MAGEB17: variants seen among roughly 807,000 people sequenced by gnomAD.
MAGEB17 encodes melanoma-associated antigen B17.
For missense variants in MAGEB17, 251 were observed against 281.4 expected, an observed-to-expected ratio of 0.89 and a Z score of 0.77; for synonymous variants, 110 against 112.4, an observed-to-expected ratio of 0.98 and a Z score of 0.13.
rs769989684 is a variant in MAGEB17, at chrX:16,170,742, C to T, written c.360C>T (p.Leu120=). The change falls in exon 2 of 2, where the codon CTC becomes CTT. Residue 120 remains leucine, a synonymous_variant. Transcript: ENST00000400004. ...AGACGGGCGAATTGGTGCAGTTCCT[C>T]CTCAACAAGTATATAAGGAAAGAGC... ...NTKTGELVQF[L]LNKYIRKEPI... The T allele has an allele frequency of 3.0e-4, 344 of 1,165,811 alleles. No individual in the cohort carries two copies. Among genetic ancestry groups the T allele is most frequent in the Non-Finnish European group, 3.8e-4 (333 of 872,858 alleles).
At chrX:16,169,998 G>A (rs1032627787) in intron 1 of MAGEB17, among the ~76,000 whole-genome samples, 6 of 111,353 alleles carry the variant, frequency 5.4e-5, no homozygotes, top group Non-Finnish European at 7.6e-5. Context: ...CCTGAGGAGC[G>A]TGGAGCCACC....
In MAGEB17 at chrX:16,170,838, G is replaced by A; in HGVS notation, c.456G>A (p.Arg152=). ...KYKQHFPEIL[R]RSTENVEVVF... ...AGCAGCACTTCCCTGAGATCCTCCG[G>A]AGAAGCACTGAGAACGTAGAGGTGG... The change falls in exon 2 of 2, where the codon CGG becomes CGA. Residue 152 remains arginine (R), a synonymous_variant. Transcript: ENST00000400004. 8.6e-7 allele frequency: 1 copy of A among 1,167,295 alleles called. No homozygotes were observed. Among genetic ancestry groups the A allele is most frequent in the Non-Finnish European group, 1.1e-6 (1 of 873,134 alleles).
Position 16,170,739 on chromosome X carries a change from C to A in MAGEB17, c.357C>A (p.Phe119Leu), listed in dbSNP as rs776388867. 1 of 1,167,263 alleles carries A rather than the reference C, an allele frequency of 8.6e-7. No individual in the cohort carries two copies. The highest frequency in any genetic ancestry group is 2.6e-5 in the Admixed American group (1 of 38,793). Residue 119 changes from phenylalanine to leucine, a missense_variant, in exon 2 of 2, where the codon TTC becomes TTA. By Grantham distance (22) the Phe-to-Leu change is conservative. Transcript: ENST00000400004. ...LNTKTGELVQFLLNKYIRKEP... is the reference protein window; with the variant it reads ...LNTKTGELVQLLLNKYIRKEP... ...CGAAGACGGGCGAATTGGTGCAGTT[C>A]CTCCTCAACAAGTATATAAGGAAAG...
chrX:16,171,280 A>T lies in MAGEB17; in HGVS notation c.898A>T (p.Thr300Ser). The T allele has an allele frequency of 8.3e-7, 1 of 1,207,049 alleles. No homozygotes were observed. The highest frequency in any genetic ancestry group is 1.1e-6 in the Non-Finnish European group (1 of 893,396). ...CAAGCTCAATGATACCGTTGCCAGT[A>T]CCTACAAGTCCCGGTATGAGGAGGC... ...VAKLNDTVAS[T>S]YKSRYEEALR... Residue 300 changes from threonine to serine, a missense_variant, in exon 2 of 2, where the codon ACC (threonine) becomes TCC (serine). Thr to Ser is a moderately conservative substitution (Grantham distance 58). Coordinates refer to ENST00000400004, the MANE Select transcript of MAGEB17 (RefSeq NM_001277307.2).
In MAGEB17 at chrX:16,171,084, G is replaced by C. The variant is rs1039255515; in HGVS notation, c.702G>C (p.Arg234Ser). The change falls in exon 2 of 2, where the codon AGG becomes AGC. Residue 234 changes from arginine to serine, a missense_variant. By Grantham distance (110) the Arg-to-Ser change is moderately radical. Transcript: ENST00000400004. ...CLNALGMYKGRKHFIYGEPQE... is the reference protein window; with the variant it reads ...CLNALGMYKGSKHFIYGEPQE... ...ATGCATTGGGGATGTATAAGGGTAGGAAGCACTTCATCTATGGGGAGCCCC... is the reference window on the plus strand; with the variant it reads ...ATGCATTGGGGATGTATAAGGGTAGCAAGCACTTCATCTATGGGGAGCCCC... 3 of 1,191,383 alleles carry C rather than the reference G, an allele frequency of 2.5e-6. No individual in the cohort carries two copies. The highest frequency in any genetic ancestry group is 3.4e-6 in the Non-Finnish European group (3 of 885,662).
chrX:16,168,057 G>A (rs1211917642), intron 1 of MAGEB17, among the ~76,000 whole-genome samples: 1 of 112,325 alleles, frequency 8.9e-6, no homozygotes, highest in Non-Finnish European at 1.9e-5. Flanking sequence ...GGAGGCCCAC[G>A]AGGCGGGCAT....
chrX:16,169,485 C>G (rs1923011550), intron 1 of MAGEB17, among the ~76,000 whole-genome samples: 2 of 112,200 alleles, frequency 1.8e-5, no homozygotes, highest in South Asian at 7.5e-4. Flanking sequence ...GTGACCGTCA[C>G]TACTTCCTAG....
intron 1 of MAGEB17, among the ~76,000 whole-genome samples, chrX:16,169,691 G>C (rs1017642203): frequency 9.0e-6 from 1 of 111,563 alleles, no homozygotes; most frequent in Non-Finnish European, 1.9e-5. Flanking sequence ...GAGTCGGATA[G>C]AGGGCCCCTC....
In MAGEB17 at chrX:16,170,405, A is replaced by G. The variant is rs1923030554; in HGVS notation, c.23A>G (p.Lys8Arg). Residue 8 changes from lysine to arginine, a missense_variant, in exon 2 of 2, where the codon AAG becomes AGG. Physicochemically the swap from Lys to Arg is conservative, Grantham distance 26 (BLOSUM62 2). Transcript: ENST00000400004. The part of the protein sequence containing the change: MPRGQAS[K>R]RRAREKRRQA... ...ATCATGCCTCGCGGTCAGGCGAGTA[A>G]GCGCCGTGCCCGTGAGAAACGCCGC... The G allele has an allele frequency of 8.6e-7, 1 of 1,162,727 alleles. No homozygotes were observed. The highest frequency in any genetic ancestry group is 2.6e-5 in the Admixed American group (1 of 38,472).
chrX:16,170,679 C>T lies in MAGEB17; in HGVS notation c.297C>T (p.Ser99=), dbSNP rs771484396. The stretch of plus-strand genomic sequence containing the variant: ...GTCCCAACTCCTTCCATGGCCCGTC[C>T]TCCTCTGAGAGCACAGGAAGAGATC... ...GESPNSFHGP[S]SSESTGRDLL... The change falls in exon 2 of 2, where the codon TCC becomes TCT. Residue 99 remains serine, a synonymous_variant. Coordinates refer to ENST00000400004, the MANE Select transcript of MAGEB17 (RefSeq NM_001277307.2). The T allele has an allele frequency of 3.4e-6, 4 of 1,165,150 alleles. No homozygotes were observed. Among genetic ancestry groups the T allele is most frequent in the East Asian group, 6.5e-5 (2 of 30,675 alleles).
chrX:16,170,291 C>G, intron 1 of MAGEB17, 43 bp from the exon 2 acceptor site: 10 of 1,099,381 alleles, frequency 9.1e-6, no homozygotes, highest in Non-Finnish European at 1.2e-5. Flanking sequence ...AAGGTGATAT[C>G]TCCCCACTGA....
Position 16,170,854 on chromosome X carries a change from G to A in MAGEB17, c.472G>A (p.Val158Ile), listed in dbSNP as rs1008924277. 4 of 1,167,364 alleles carry A rather than the reference G, an allele frequency of 3.4e-6. No individual in the cohort carries two copies. Among genetic ancestry groups the A allele is most frequent in the Non-Finnish European group, 4.6e-6 (4 of 873,109 alleles). ...PEILRRSTENVEVVFGLYLKE... is the reference protein window; with the variant it reads ...PEILRRSTENIEVVFGLYLKE... ...GATCCTCCGGAGAAGCACTGAGAAC[G>A]TAGAGGTGGTCTTTGGCCTCTACCT... Residue 158 changes from valine to isoleucine, a missense_variant, in exon 2 of 2, where the codon GTA (valine) becomes ATA (isoleucine). Val to Ile is a conservative substitution (Grantham distance 29, BLOSUM62 3). Coordinates refer to ENST00000400004, the MANE Select transcript of MAGEB17 (RefSeq NM_001277307.2).
At chrX:16,168,331 C>T (rs192780090) in intron 1 of MAGEB17, among the ~76,000 whole-genome samples, 1,048 of 103,910 alleles carry the variant, frequency 0.01, 9 homozygotes, top group African/African-American at 0.034. Context: ...GAGTGAGACC[C>T]CGTGTCTGTC....
chrX:16,170,426 G>A lies in MAGEB17; in HGVS notation c.44G>A (p.Arg15His), dbSNP rs754684495. ...QASKRRAREKRRQARGEDQCL... is the reference protein window; with the variant it reads ...QASKRRAREKHRQARGEDQCL... ...AGTAAGCGCCGTGCCCGTGAGAAAC[G>A]CCGCCAGGCTCGAGGTGAAGACCAA... The change falls in exon 2 of 2, where the codon CGC becomes CAC. Residue 15 changes from arginine (R) to histidine (H), a missense_variant. Transcript: ENST00000400004. 6.9e-6 allele frequency: 8 copies of A among 1,165,003 alleles called. No homozygotes were observed. Among genetic ancestry groups the A allele is most frequent in the South Asian group, 3.8e-5 (2 of 52,419 alleles).
In MAGEB17 at chrX:16,170,589, C is replaced by T; in HGVS notation, c.207C>T (p.Ser69=). 1 of 1,167,336 alleles carries T rather than the reference C, an allele frequency of 8.6e-7. No homozygotes were observed. The highest frequency in any genetic ancestry group is 1.8e-5 in the African/African-American group (1 of 56,386). ...PQESQRASYP[S]SPASAVSLTS... ...AGTCCCAGAGAGCCAGCTACCCCAG[C>T]TCTCCTGCTTCAGCTGTTTCACTCA... The change falls in exon 2 of 2, where the codon AGC becomes AGT. Residue 69 remains serine (S), a synonymous_variant. Coordinates refer to ENST00000400004, the MANE Select transcript of MAGEB17 (RefSeq NM_001277307.2).
At position 16,170,431 on chromosome X, in the gene MAGEB17, C is replaced by G. The variant is rs1457878135; in HGVS notation, c.49C>G (p.Gln17Glu). The change falls in exon 2 of 2, where the codon CAG (glutamine) becomes GAG (glutamate). Residue 17 changes from glutamine (Q) to glutamate (E), a missense_variant. By Grantham distance (29) the Gln-to-Glu change is conservative. Coordinates refer to ENST00000400004, the MANE Select transcript of MAGEB17 (RefSeq NM_001277307.2). ...SKRRAREKRRQARGEDQCLGG... is the reference protein window; with the variant it reads ...SKRRAREKRREARGEDQCLGG... ...GCGCCGTGCCCGTGAGAAACGCCGC[C>G]AGGCTCGAGGTGAAGACCAATGTCT... is the stretch of plus-strand genomic sequence containing the variant. 4 of 1,165,227 alleles carry G rather than the reference C, an allele frequency of 3.4e-6. No homozygotes were observed. In the Admixed American group the frequency reaches 1.0e-4, roughly 30 times the overall value.
At chrX:16,168,132 C>A (rs1922979968) in intron 1 of MAGEB17, among the ~76,000 whole-genome samples, 1 of 111,733 alleles carries the variant, frequency 8.9e-6, no homozygotes, top group African/African-American at 3.3e-5. Flanking sequence ...CCGAGCCCAG[C>A]AGTTCCAGAC....
chrX:16,169,727 T>A (rs1162555496), intron 1 of MAGEB17, among the ~76,000 whole-genome samples: 1 of 110,170 alleles, frequency 9.1e-6, no homozygotes, highest in Non-Finnish European at 1.9e-5. Flanking sequence ...GGGCTCAGAG[T>A]GGACAGGGCC....
chrX:16,170,308 C>T, intron 1 of MAGEB17, 26 bp from the exon 2 acceptor site: 4 of 1,113,082 alleles, frequency 3.6e-6, no homozygotes, highest in Non-Finnish European at 3.5e-6. Context: ...CTGAGGGGCT[C>T]ACACACTCTG....
Sources: allele counts gnomAD v4.1 joint callset (sites outside exome capture counted in the v4.1 genomes callset), GRCh38; gene constraint gnomAD v4.1.1; transcripts MANE v1.5; gene names NCBI Gene and HGNC (gene_info 2026-07-23, HGNC 2026-07-21).